The following SCN9A variants were observed in gnomAD, a reference collection of about 807,000 sequenced individuals.
SCN9A encodes the protein sodium channel protein type 9 subunit alpha.
In SCN9A, 131 loss-of-function variants were observed where a neutral mutation model predicts 187.0. The observed-to-expected ratio is 0.70, with a 90% CI of 0.61 to 0.81. The LOEUF is 0.81. Ranked by LOEUF, SCN9A falls within the 30% of genes least tolerant of loss-of-function variation. The pLI, the probability that SCN9A is intolerant of heterozygous loss-of-function variation, is 0.00. For synonymous variants in SCN9A, 809 were observed against 808.6 expected, an observed-to-expected ratio of 1.00 and a Z score of -0.01; for missense variants, 2,252 against 2,396.6, an observed-to-expected ratio of 0.94 and a Z score of 1.26.
Position 166,227,737 on chromosome 2 carries a change from AT to A in SCN9A, c.4207-15del, listed in dbSNP as rs754717270. 4.2e-5 allele frequency: 56 copies of A among 1,334,568 alleles called. No individual in the cohort carries two copies. Among genetic ancestry groups the A allele is most frequent in the Non-Finnish European group, 5.9e-5 (56 of 948,390 alleles). 82.7% of individuals were successfully genotyped at this position (1,334,568 alleles called of 1,614,324 possible). ...CTTAAAAGTTGCCTTTAAGAATAAC[AT>A]TAATAGAATTTGAATGTTAAGCTCA... is the stretch of plus-strand genomic sequence containing the variant. On this transcript the variant is annotated splice_polypyrimidine_tract_variant and intron_variant, in intron 22 of 26. Coordinates refer to ENST00000642356, the MANE Select transcript of SCN9A (RefSeq NM_001365536.1).
At chr2:166,319,931 T>G (rs921167574) in intron 1 of SCN9A, among the ~76,000 whole-genome samples, 2 of 152,064 alleles carry the variant, frequency 1.3e-5, no homozygotes, top group African/African-American at 4.8e-5. Flanking sequence ...TCAGGTATAT[T>G]CCATTTAAAG....
chr2:166,218,156 T>G (rs1159465840), intron 24 of SCN9A, among the ~76,000 whole-genome samples: 2 of 150,960 alleles, frequency 1.3e-5, no homozygotes, highest in Non-Finnish European at 2.9e-5. Context: ...AAGAACAAAT[T>G]TTGTCATTCA....
Position 166,195,755 on chromosome 2 carries a change from TG to T in SCN9A, c.*2916del, listed in dbSNP as rs1263162813. ...CTCTAATTTTCATCCGAAAGATTTG[TG>T]TTCAAACCTGTTTGGGGCATGGTGG... On this transcript the variant is annotated 3_prime_UTR_variant, in exon 27 of 27. Transcript: ENST00000642356. 17 of 152,220 alleles carry T rather than the reference TG, an allele frequency of 1.1e-4. No homozygotes were observed. Among genetic ancestry groups the T allele is most frequent in the African/African-American group, 4.1e-4 (17 of 41,468 alleles). The allele number at this position is 152,220 out of a possible 1,614,324, so 9.4% of individuals were successfully genotyped here.
intron 24 of SCN9A, among the ~76,000 whole-genome samples, chr2:166,221,896 G>A (rs2106375726): frequency 6.6e-6 from 1 of 151,940 alleles, no homozygotes; most frequent in South Asian, 2.1e-4. Context: ...AATAATGTTG[G>A]GAAAACTGGA....
chr2:166,264,235 A>C (rs1696637700), intron 17 of SCN9A, among the ~76,000 whole-genome samples: 1 of 151,966 alleles, frequency 6.6e-6, no homozygotes, highest in South Asian at 2.1e-4. Flanking sequence ...GGTGCATTTC[A>C]TACTTCCTTT....
At chr2:166,342,229 T>A (rs1255363161) in intron 1 of SCN9A, among the ~76,000 whole-genome samples, 1 of 152,186 alleles carries the variant, frequency 6.6e-6, no homozygotes, top group Non-Finnish European at 1.5e-5. Context: ...TCGTTTAGAA[T>A]CTTTGGGCTA....
Position 166,360,968 on chromosome 2 carries a change from T to A in SCN9A, c.-51+14729A>T, listed in dbSNP as rs191334405. 1.4e-3 allele frequency among the ~76,000 whole-genome samples: 216 copies of A among 152,312 alleles called. 2 individuals carry two copies. Among genetic ancestry groups the A allele is most frequent in the African/African-American group, 4.9e-3 (205 of 41,578 alleles). ...TCTGCAGTAAAATAGTAAGACAGCA[T>A]AACCCAGTTGTTAAATTCATGGCTC... On this transcript the variant is annotated intron_variant, in intron 1 of 26. Transcript: ENST00000642356.
intron 1 of SCN9A, chr2:166,321,335 C>T (rs1699234237): frequency 6.6e-6 from 1 of 151,984 alleles, no homozygotes; most frequent in South Asian, 2.1e-4. Context: ...GCATGGGCAA[C>T]ACAGTGACAC....
chr2:166,305,705 C>T lies in SCN9A; in HGVS notation c.596+87G>A, dbSNP rs944044758. The T allele has an allele frequency of 4.0e-5, 62 of 1,537,924 alleles. 1 individual carries two copies. In the South Asian group the frequency reaches 5.2e-4, roughly 13 times the overall value. On this transcript the variant is annotated intron_variant, in intron 5 of 26. Transcript: ENST00000642356. ...TACAGACATTCCATGCTGGAAAAATCAGACCCCAGAGGTTTGCTGTTATTG... is the reference window on the plus strand; with the variant it reads ...TACAGACATTCCATGCTGGAAAAATTAGACCCCAGAGGTTTGCTGTTATTG...
At chr2:166,263,108 C>T (rs1696584848) in intron 17 of SCN9A, among the ~76,000 whole-genome samples, 1 of 151,942 alleles carries the variant, frequency 6.6e-6, no homozygotes, top group Admixed American at 6.6e-5. Flanking sequence ...AGCCTGCATC[C>T]AATGAATGGT....
intron 16 of SCN9A, among the ~76,000 whole-genome samples, chr2:166,273,674 A>G (rs1697101460): frequency 6.6e-6 from 1 of 151,338 alleles, no homozygotes; most frequent in Admixed American, 6.6e-5. Context: ...AAAAAAAAAA[A>G]TGTTCACAGA....
At chr2:166,250,877 G>A (rs900525972) in intron 18 of SCN9A, among the ~76,000 whole-genome samples, 10 of 151,996 alleles carry the variant, frequency 6.6e-5, no homozygotes, top group African/African-American at 2.4e-4. Flanking sequence ...ATGAACTTGT[G>A]ACTAGCAAGG....
At chr2:166,341,590 G>C (rs980942305) in intron 1 of SCN9A, among the ~76,000 whole-genome samples, 1 of 152,158 alleles carries the variant, frequency 6.6e-6, no homozygotes, top group Non-Finnish European at 1.5e-5. Flanking sequence ...ACTCCACAAA[G>C]AGACACTGCT....
At chr2:166,261,690 T>C (rs1696514847) in intron 17 of SCN9A, among the ~76,000 whole-genome samples, 2 of 151,780 alleles carry the variant, frequency 1.3e-5, no homozygotes, top group South Asian at 2.1e-4. Context: ...GACTCAGAAA[T>C]AGCCAAAAAT....
intron 8 of SCN9A, among the ~76,000 whole-genome samples, chr2:166,293,789 C>T (rs1216721267): frequency 6.6e-6 from 1 of 152,172 alleles, no homozygotes; most frequent in African/African-American, 2.4e-5. Flanking sequence ...AAAGCTCTTT[C>T]TGTCTGTATA....
intron 17 of SCN9A, among the ~76,000 whole-genome samples, chr2:166,269,805 G>T (rs1156830641): frequency 6.6e-6 from 1 of 152,064 alleles, no homozygotes; most frequent in Non-Finnish European, 1.5e-5. Flanking sequence ...TAAATGTTAA[G>T]AAATAATTTC....
At chr2:166,306,397 A>G (rs1256522901) in intron 4 of SCN9A, 113 bp downstream of exon 4, 2 of 705,400 alleles carry the variant, frequency 2.8e-6, no homozygotes, top group African/African-American at 1.8e-5. Flanking sequence ...AGCATATAAC[A>G]TGGGAAGGTA....
rs528430659 is a variant in SCN9A at position 166,374,496 on chromosome 2, C to T, written c.-51+1201G>A. On this transcript the variant is annotated intron_variant, in intron 1 of 26. Coordinates refer to ENST00000642356, the MANE Select transcript of SCN9A (RefSeq NM_001365536.1). ...AATCAATAATTTTTAAAAAATCTCA[C>T]CATAATTATAAGAAAAAATTATAAA... Among the ~76,000 whole-genome samples the T allele has an allele frequency of 2.0e-4, 31 of 151,838 alleles. 1 individual carries two copies. The South Asian group carries it at 6.3e-3, about 31-fold the overall frequency.
intron 17 of SCN9A, among the ~76,000 whole-genome samples, chr2:166,272,027 G>A (rs914777851): frequency 2.0e-5 from 3 of 152,084 alleles, no homozygotes; most frequent in Non-Finnish European, 4.4e-5. Flanking sequence ...GACTCTGCTT[G>A]AAATGGTTTA....
Sources: gnomAD v4.1 joint callset for allele counts (sites outside exome capture counted in the v4.1 genomes callset) on GRCh38, gnomAD v4.1.1 for gene constraint, MANE v1.5 for transcripts, NCBI Gene and HGNC (gene_info 2026-07-23, HGNC 2026-07-21) for gene names.